BFSP2: variants seen among roughly 807,000 people sequenced by gnomAD.
BFSP2 encodes the protein phakinin.
A neutral mutation model predicts 44.9 loss-of-function variants in BFSP2; 38 were observed. The ratio of observed to expected loss-of-function variants is 0.85; its 90% CI spans 0.65 to 1.11. BFSP2 has a LOEUF of 1.11. Ranked by LOEUF, BFSP2 falls within the 50% of genes least tolerant of loss-of-function variation. The pLI is 0.00. For synonymous variants in BFSP2, 197 were observed against 209.9 expected, an observed-to-expected ratio of 0.94 and a Z score of 0.53; for missense variants, 525 against 533.0, an observed-to-expected ratio of 0.99 and a Z score of 0.15.
chr3:133,468,745 A>G (rs1479153458), intron 5 of BFSP2, among the ~76,000 whole-genome samples: 1 of 152,184 alleles, frequency 6.6e-6, no homozygotes, highest in African/African-American at 2.4e-5. Flanking sequence ...ACTATCCTAG[A>G]TTCAACAGGG....
chr3:133,452,221 C>T (rs554679530), intron 4 of BFSP2, among the ~76,000 whole-genome samples: 1 of 152,174 alleles, frequency 6.6e-6, no homozygotes, highest in Non-Finnish European at 1.5e-5. Context: ...CTTTCTCCCA[C>T]CATACTCCCT....
rs544584713 is a variant in BFSP2, at chr3:133,437,653, GAAGAAAGA to G, written c.490-9649_490-9642del. On this transcript the variant is annotated intron_variant, in intron 1 of 6. Transcript: ENST00000302334. The stretch of plus-strand genomic sequence containing the variant: ...AAAAAGAAAGAAGAGAGAGAGAAAG[GAAGAAAGA>G]AAGAAAGAAAGAAAAAGAAAGAAAA... 5.6e-4 allele frequency among the ~76,000 whole-genome samples: 85 copies of G among 151,484 alleles called. 3 individuals carry two copies. The highest frequency in any genetic ancestry group is 1.9e-3 in the African/African-American group (78 of 41,300).
At chr3:133,444,623 T>C (rs1419861735) in intron 1 of BFSP2, among the ~76,000 whole-genome samples, 1 of 152,156 alleles carries the variant, frequency 6.6e-6, no homozygotes, top group African/African-American at 2.4e-5. Context: ...GGCCCCACCA[T>C]GCTCTCTACA....
chr3:133,431,330 C>T (rs1165753263), intron 1 of BFSP2, among the ~76,000 whole-genome samples: 4 of 152,220 alleles, frequency 2.6e-5, no homozygotes, highest in Non-Finnish European at 5.9e-5. Flanking sequence ...ATCTCCAGCA[C>T]ACAAGAACTT....
At chr3:133,474,421 A>G (rs537297537) in intron 6 of BFSP2, among the ~76,000 whole-genome samples, 100 of 152,366 alleles carry the variant, frequency 6.6e-4, no homozygotes, top group African/African-American at 2.1e-3. Flanking sequence ...TTTATTCAGA[A>G]GGCGGGAGAG....
chr3:133,435,612 C>G (rs116623467), intron 1 of BFSP2, among the ~76,000 whole-genome samples: 2,221 of 152,248 alleles, frequency 0.015, 44 homozygotes, highest in African/African-American at 0.044. Flanking sequence ...GTGGAAAGTT[C>G]GCTTAACTTT....
At chr3:133,473,713 G>A (rs989417344) in intron 6 of BFSP2, among the ~76,000 whole-genome samples, 5 of 151,404 alleles carry the variant, frequency 3.3e-5, no homozygotes, top group East Asian at 1.9e-4. Flanking sequence ...ATCTTGCACC[G>A]CCCTTAATCC....
At chr3:133,434,181 A>T (rs1419188987) in intron 1 of BFSP2, among the ~76,000 whole-genome samples, 1 of 152,220 alleles carries the variant, frequency 6.6e-6, no homozygotes, top group African/African-American at 2.4e-5. Flanking sequence ...TTAGGCACTC[A>T]CTAATCAGAT....
At chr3:133,416,920 ACCCGTCCTCTGCCCTCTACTCAC>A (rs1294399948) in intron 1 of BFSP2, among the ~76,000 whole-genome samples, 6 of 46,028 alleles carry the variant, frequency 1.3e-4, no homozygotes, top group African/African-American at 3.7e-4. Flanking sequence ...CCCTCTACTC[ACCCGTCCTCTGCCCTCTACTCAC>A]CCCGTCCTCT....
At position 133,475,199 on chromosome 3, in the gene BFSP2, G is replaced by A. The variant is rs1179383881; in HGVS notation, c.*227G>A. ...CCTCCTTCAAATAAATGCTTTGTGC[G>A]CAGCGTCCAGTTTGCCCACCTTGTT... On this transcript the variant is annotated 3_prime_UTR_variant, in exon 7 of 7. Coordinates refer to ENST00000302334, the MANE Select transcript of BFSP2 (RefSeq NM_003571.4). 1.6e-5 allele frequency: 10 copies of A among 631,730 alleles called. No individual in the cohort carries two copies. The highest frequency in any genetic ancestry group is 7.8e-5 in the South Asian group (4 of 51,602). 39.1% of individuals were successfully genotyped at this position (631,730 alleles called of 1,614,324 possible).
At position 133,440,178 on chromosome 3, in the gene BFSP2, A is replaced by G. The variant is rs192184285; in HGVS notation, c.490-7139A>G. On this transcript the variant is annotated intron_variant, in intron 1 of 6. Coordinates refer to ENST00000302334, the MANE Select transcript of BFSP2 (RefSeq NM_003571.4). ...CTTTATAAAGCCATCAGATTGTGTG[A>G]GACTTACTATCTTACTATCATGAGA... Among the ~76,000 whole-genome samples, 305 of 152,270 alleles carry G rather than the reference A, an allele frequency of 2.0e-3. 1 individual carries two copies. Among genetic ancestry groups the G allele is most frequent in the Non-Finnish European group, 3.4e-3 (230 of 68,018 alleles).
intron 4 of BFSP2, among the ~76,000 whole-genome samples, chr3:133,450,908 G>A (rs959681996): frequency 3.3e-5 from 5 of 152,106 alleles, no homozygotes; most frequent in African/African-American, 9.7e-5. Context: ...TCAGGAGATC[G>A]ATACCATCCT....
At chr3:133,452,390 G>A (rs1160367336) in intron 4 of BFSP2, among the ~76,000 whole-genome samples, 1 of 152,032 alleles carries the variant, frequency 6.6e-6, no homozygotes, top group African/African-American at 2.4e-5. Context: ...ACCAATCATT[G>A]AGCCAGGTCA....
chr3:133,446,801 G>C (rs2073905856), intron 1 of BFSP2, among the ~76,000 whole-genome samples: 1 of 150,680 alleles, frequency 6.6e-6, no homozygotes, highest in Non-Finnish European at 1.5e-5. Flanking sequence ...TTTTGGGGGA[G>C]ACGAAACTCT....
intron 1 of BFSP2, among the ~76,000 whole-genome samples, chr3:133,430,292 A>G (rs371383881): frequency 3.7e-4 from 56 of 151,670 alleles, no homozygotes; most frequent in Middle Eastern, 6.8e-3. Context: ...GGCTGGGTCA[A>G]ATGGTATTTC....
intron 1 of BFSP2, chr3:133,412,160 A>C (rs1249742346): frequency 6.6e-6 from 1 of 152,224 alleles, no homozygotes; most frequent in Non-Finnish European, 1.5e-5. Context: ...GAGTGGCAAG[A>C]CGTGTGGGCA....
Position 133,432,286 on chromosome 3 carries a change from A to G in BFSP2, c.490-15031A>G, listed in dbSNP as rs2073730390. Among the ~76,000 whole-genome samples the G allele has an allele frequency of 4.6e-5, 7 of 152,288 alleles. No homozygotes were observed. In the South Asian group the frequency reaches 1.2e-3, roughly 27 times the overall value. ...CCTTATCAACCAAATTGTTTTGCCT[A>G]TCCGCCCTGTGGTGCCCAACCGGTA... On this transcript the variant is annotated intron_variant, in intron 1 of 6. Coordinates refer to ENST00000302334, the MANE Select transcript of BFSP2 (RefSeq NM_003571.4).
At chr3:133,469,825 G>T (rs1306983095) in intron 5 of BFSP2, among the ~76,000 whole-genome samples, 1 of 152,190 alleles carries the variant, frequency 6.6e-6, no homozygotes, top group Non-Finnish European at 1.5e-5. Flanking sequence ...CCTTTGGCTG[G>T]GGTTCCAATG....
rs113130276 is a variant in BFSP2, at chr3:133,436,068, A to G, written c.490-11249A>G. 9.9e-4 allele frequency among the ~76,000 whole-genome samples: 150 copies of G among 152,250 alleles called. 1 individual carries two copies. Among genetic ancestry groups the G allele is most frequent in the African/African-American group, 3.5e-3 (145 of 41,550 alleles). Reference sequence around the variant, plus strand: ...AGTATGAGTTTATTTTGGTGCAAAAAAATTTGAAATTTAGGCTGGGCACGA... The same window carrying G: ...AGTATGAGTTTATTTTGGTGCAAAAGAATTTGAAATTTAGGCTGGGCACGA... On this transcript the variant is annotated intron_variant, in intron 1 of 6. Coordinates refer to ENST00000302334, the MANE Select transcript of BFSP2 (RefSeq NM_003571.4).
Sources: allele counts gnomAD v4.1 joint callset (sites outside exome capture counted in the v4.1 genomes callset), GRCh38; gene constraint gnomAD v4.1.1; transcripts MANE v1.5; gene names NCBI Gene and HGNC (gene_info 2026-07-23, HGNC 2026-07-21).